SLC24A4: variants seen among roughly 807,000 people sequenced by gnomAD.
SLC24A4 encodes the protein sodium/potassium/calcium exchanger 4.
Under a neutral mutation model 79.0 loss-of-function variants are expected in SLC24A4, and 53 were observed. The ratio of observed to expected loss-of-function variants is 0.67; its 90% CI spans 0.54 to 0.84. SLC24A4 has a LOEUF of 0.84. SLC24A4 is among the 40% of genes least tolerant of loss of function. SLC24A4 has a pLI of 0.00. For synonymous variants in SLC24A4, 323 were observed against 323.8 expected, an observed-to-expected ratio of 1.00 and a Z score of 0.03; for missense variants, 731 against 822.0, an observed-to-expected ratio of 0.89 and a Z score of 1.35.
At chr14:92,432,278 G>A (rs1016057583) in intron 2 of SLC24A4, among the ~76,000 whole-genome samples, 1 of 152,216 alleles carries the variant, frequency 6.6e-6, no homozygotes, top group Non-Finnish European at 1.5e-5. Flanking sequence ...CCCCTTCCCT[G>A]CTGGAGGTCA....
chr14:92,411,474 G>C (rs1429754247), intron 2 of SLC24A4, among the ~76,000 whole-genome samples: 2 of 152,114 alleles, frequency 1.3e-5, no homozygotes, highest in Non-Finnish European at 2.9e-5. Flanking sequence ...TCTGAGACCA[G>C]GTAATTCCCT....
intron 2 of SLC24A4, among the ~76,000 whole-genome samples, chr14:92,417,962 C>T (rs995611780): frequency 1.1e-4 from 16 of 152,316 alleles, no homozygotes; most frequent in African/African-American, 2.6e-4. Context: ...AAGTAACACA[C>T]GACTACAGTT....
intron 2 of SLC24A4, among the ~76,000 whole-genome samples, chr14:92,328,043 G>A (rs1366856610): frequency 6.9e-6 from 1 of 144,306 alleles, no homozygotes; most frequent in African/African-American, 2.6e-5. Flanking sequence ...AAGTTCAGAA[G>A]TTTAGTGGCT....
chr14:92,449,071 C>T lies in SLC24A4; in HGVS notation c.738-3C>T, dbSNP rs1247849767. 1.9e-6 allele frequency: 3 copies of T among 1,613,994 alleles called. No individual in the cohort carries two copies. In the Admixed American group the frequency reaches 5.0e-5, roughly 27 times the overall value. Reference sequence around the variant, plus strand: ...CTGACCTCCTGCCTCCCCTCGCTTCCAGGTACAATGTGAAGATGCAAGCCT... The same window carrying T: ...CTGACCTCCTGCCTCCCCTCGCTTCTAGGTACAATGTGAAGATGCAAGCCT... On this transcript the variant is annotated splice_polypyrimidine_tract_variant and splice_region_variant and intron_variant, in intron 9 of 16. Transcript: ENST00000532405.
chr14:92,395,451 A>G (rs985252351), intron 2 of SLC24A4, among the ~76,000 whole-genome samples: 22 of 151,822 alleles, frequency 1.4e-4, no homozygotes, highest in African/African-American at 4.8e-4. Flanking sequence ...ACACACACAC[A>G]CACACACACA....
intron 2 of SLC24A4, among the ~76,000 whole-genome samples, chr14:92,410,630 C>T (rs1341063022): frequency 6.6e-6 from 1 of 152,212 alleles, no homozygotes; most frequent in African/African-American, 2.4e-5. Flanking sequence ...ACACCCTTTA[C>T]ATAATCCGCT....
intron 2 of SLC24A4, among the ~76,000 whole-genome samples, chr14:92,383,783 C>T (rs1022966555): frequency 1.3e-5 from 2 of 152,204 alleles, no homozygotes; most frequent in African/African-American, 4.8e-5. Flanking sequence ...TACACGCCCT[C>T]GTCAGCCTCC....
At chr14:92,361,371 G>A (rs1419556051) in intron 2 of SLC24A4, among the ~76,000 whole-genome samples, 1 of 151,900 alleles carries the variant, frequency 6.6e-6, no homozygotes, top group East Asian at 1.9e-4. Flanking sequence ...GAAGGGAGGG[G>A]CTTGGGAAAG....
chr14:92,344,439 A>G (rs1005758170), intron 2 of SLC24A4, among the ~76,000 whole-genome samples: 1 of 152,212 alleles, frequency 6.6e-6, no homozygotes, highest in African/African-American at 2.4e-5. Flanking sequence ...GTAGTGGATT[A>G]ATGTGTAGTG....
chr14:92,422,032 T>C (rs1038062995), intron 2 of SLC24A4, among the ~76,000 whole-genome samples: 6 of 152,202 alleles, frequency 3.9e-5, no homozygotes, highest in African/African-American at 9.7e-5. Context: ...TGATTTCGTG[T>C]GTTGCTTTTT....
rs1895826791 is a variant in SLC24A4, at chr14:92,493,694, C to T, written c.*66C>T. 1.3e-6 allele frequency: 2 copies of T among 1,545,884 alleles called. No homozygotes were observed. The highest frequency in any genetic ancestry group is 2.7e-5 in the African/African-American group (2 of 73,908). ...TGACACTGGCGTTCTCCTCTCCCCTCCTTCCCCCACCACAGGTCTCTCCTG... is the reference window on the plus strand; with the variant it reads ...TGACACTGGCGTTCTCCTCTCCCCTTCTTCCCCCACCACAGGTCTCTCCTG... On this transcript the variant is annotated 3_prime_UTR_variant, in exon 17 of 17. Coordinates refer to ENST00000532405, the MANE Select transcript of SLC24A4 (RefSeq NM_153646.4).
intron 2 of SLC24A4, among the ~76,000 whole-genome samples, chr14:92,356,414 C>T (rs1426075973): frequency 6.6e-6 from 1 of 152,162 alleles, no homozygotes; most frequent in East Asian, 1.9e-4. Context: ...CTAGAATGAG[C>T]GTGCCACCAT....
At chr14:92,483,977 G>C (rs1895218431) in intron 13 of SLC24A4, 1 of 985,236 alleles carries the variant, frequency 1.0e-6, no homozygotes, top group Non-Finnish European at 1.2e-6. Flanking sequence ...GGGGAACAAA[G>C]GATCCTGGAT....
Position 92,453,996 on chromosome 14 carries a change from T to C in SLC24A4, c.977T>C (p.Leu326Ser). Reference protein sequence around the residue: ...PPKFTFPEAGLRIMITNKFGP... With the variant: ...PPKFTFPEAGSRIMITNKFGP... ...AAGTTCACCTTCCCTGAAGCAGGCTTACGAATCATGATCACCAATAAGTTT... is the reference window on the plus strand; with the variant it reads ...AAGTTCACCTTCCCTGAAGCAGGCTCACGAATCATGATCACCAATAAGTTT... The change falls in exon 11 of 17, where the codon TTA becomes TCA. Residue 326 changes from leucine to serine, a missense_variant. Physicochemically the swap from Leu to Ser is moderately radical, Grantham distance 145 (BLOSUM62 -2). Transcript: ENST00000532405. The C allele has an allele frequency of 6.2e-7, 1 of 1,613,744 alleles. No homozygotes were observed. Among genetic ancestry groups the C allele is most frequent in the Non-Finnish European group, 8.5e-7 (1 of 1,179,800 alleles).
intron 2 of SLC24A4, among the ~76,000 whole-genome samples, chr14:92,409,395 G>A (rs541397497): frequency 6.6e-6 from 1 of 152,370 alleles, no homozygotes; most frequent in South Asian, 2.1e-4. Flanking sequence ...GCCTGGGAGC[G>A]AGGGATGGAA....
At chr14:92,327,161 G>A (rs568963991) in intron 2 of SLC24A4, among the ~76,000 whole-genome samples, 3 of 152,216 alleles carry the variant, frequency 2.0e-5, no homozygotes, top group African/African-American at 7.2e-5. Context: ...CCTGTGCTTA[G>A]GTGGGGGTGA....
At position 92,353,927 on chromosome 14, in the gene SLC24A4, G is replaced by T. The variant is rs1887023952; in HGVS notation, c.241+27949G>T. Among the ~76,000 whole-genome samples the T allele has an allele frequency of 6.6e-6, 1 of 152,240 alleles. No individual in the cohort carries two copies. Among genetic ancestry groups the T allele is most frequent in the Non-Finnish European group, 1.5e-5 (1 of 68,046 alleles). The stretch of plus-strand genomic sequence containing the variant: ...GCTTCCCACACGGCCGGCCCAGAGA[G>T]CAGGAGAGTTGATGGGCTGACCCCG... On this transcript the variant is annotated intron_variant, in intron 2 of 16. Transcript: ENST00000532405. This position sits in a 1 kb window ranked among gnomAD's most constrained non-coding sequence, Gnocchi z 4.1.
chr14:92,443,624 GACC>G, intron 7 of SLC24A4, 150 bp downstream of exon 7: 2 of 807,038 alleles, frequency 2.5e-6, no homozygotes, highest in Non-Finnish European at 4.1e-6. Flanking sequence ...CGGTCACAGT[GACC>G]AGCGCCCCGA....
chr14:92,352,920 G>A (rs1886973260), intron 2 of SLC24A4, among the ~76,000 whole-genome samples: 2 of 152,196 alleles, frequency 1.3e-5, no homozygotes, highest in Admixed American at 1.3e-4. Context: ...TTCTAGTTGG[G>A]AACCCCCAAC....
Sources: allele counts gnomAD v4.1 joint callset (sites outside exome capture counted in the v4.1 genomes callset), GRCh38; gene constraint gnomAD v4.1.1; non-coding constraint Gnocchi (gnomAD v3.1); transcripts MANE v1.5; gene names NCBI Gene and HGNC (gene_info 2026-07-23, HGNC 2026-07-21).